Variants in PTAR1 observed in about 807,000 individuals in gnomAD.
PTAR1 encodes protein prenyltransferase alpha subunit repeat containing 1, also known as protein prenyltransferase alpha subunit repeat-containing protein 1.
In PTAR1, 17 loss-of-function variants were observed where a neutral mutation model predicts 45.5. That is an observed-to-expected ratio of 0.37 (90% confidence interval 0.26 to 0.56). PTAR1 has a LOEUF of 0.56. Among genes scored for constraint, PTAR1 ranks in the 20% least tolerant of loss-of-function variants. The pLI is 0.77. For missense variants in PTAR1, 391 were observed against 476.3 expected (o/e 0.82, Z 1.67); for synonymous variants, 169 against 171.3 (o/e 0.99, Z 0.11).
chr9:69,744,533 G>A (rs1177453310), intron 2 of PTAR1, among the ~76,000 whole-genome samples: 2 of 151,914 alleles, frequency 1.3e-5, no homozygotes, highest in African/African-American at 2.4e-5. Flanking sequence ...CTACAGGCGC[G>A]TGCTACCATG....
intron 1 of PTAR1, among the ~76,000 whole-genome samples, chr9:69,754,735 G>C (rs1445559880): frequency 7.3e-6 from 1 of 137,572 alleles, no homozygotes; most frequent in South Asian, 2.3e-4. Context: ...TTTTTTTTTT[G>C]GTAGAGATGT....
At chr9:69,744,940 G>T (rs1010944393) in intron 2 of PTAR1, among the ~76,000 whole-genome samples, 1 of 152,122 alleles carries the variant, frequency 6.6e-6, no homozygotes, top group Admixed American at 6.6e-5. Context: ...CTTCCTTAAA[G>T]CCATACTACC....
rs1824807313 is a variant in PTAR1, at chr9:69,718,170, T to C, written c.*172A>G. 7.5e-6 allele frequency: 4 copies of C among 530,866 alleles called. No homozygotes were observed. The highest frequency in any genetic ancestry group is 1.3e-5 in the Non-Finnish European group (4 of 301,436). The allele number at this position is 530,866 out of a possible 1,614,324, so 32.9% of individuals were successfully genotyped here. A position where few individuals can be genotyped will look rare whatever the true frequency, so the allele number is the denominator to read the frequency against. On this transcript the variant is annotated 3_prime_UTR_variant, in exon 8 of 8. Coordinates refer to ENST00000340434, the MANE Select transcript of PTAR1 (RefSeq NM_001099666.2). ...TACGATTATTTTATCCCCACAGGAA[T>C]GCCAGTTATTAACAAAATAAATAAA...
intron 2 of PTAR1, among the ~76,000 whole-genome samples, chr9:69,744,478 T>C (rs1044728746): frequency 5.9e-5 from 9 of 151,816 alleles, no homozygotes; most frequent in Non-Finnish European, 8.8e-5. Flanking sequence ...CTCTGCCTCC[T>C]AGGCTCAAGC....
At chr9:69,745,511 G>A (rs1025283003) in intron 2 of PTAR1, among the ~76,000 whole-genome samples, 5 of 152,146 alleles carry the variant, frequency 3.3e-5, no homozygotes, top group African/African-American at 1.2e-4. Context: ...CATCCTCCAT[G>A]AGAGACTTCT....
intron 2 of PTAR1, among the ~76,000 whole-genome samples, chr9:69,747,908 C>A (rs892039702): frequency 2.0e-5 from 3 of 152,106 alleles, no homozygotes; most frequent in Non-Finnish European, 4.4e-5. Context: ...CCTTGAATAC[C>A]ATGCTAAGGA....
Position 69,732,214 on chromosome 9 carries a change from C to T in PTAR1, c.567G>A (p.Gly189=), listed in dbSNP as rs755059979. The change falls in exon 5 of 8, where the codon GGG becomes GGA. Residue 189 remains glycine, a synonymous_variant. Coordinates refer to ENST00000340434, the MANE Select transcript of PTAR1 (RefSeq NM_001099666.2). ...EEMEVCGEAA[G]RYPSNYNAWS... ...AAGCATTATAGTTGCTTGGGTATCT[C>T]CCTGCTGCTTCACCACAGACCTCCA... The T allele has an allele frequency of 6.2e-7, 1 of 1,613,842 alleles. No individual in the cohort carries two copies. Among genetic ancestry groups the T allele is most frequent in the East Asian group, 2.2e-5 (1 of 44,856 alleles).
chr9:69,731,153 C>A (rs1009568966), intron 5 of PTAR1, among the ~76,000 whole-genome samples: 2 of 152,072 alleles, frequency 1.3e-5, no homozygotes, highest in African/African-American at 4.8e-5. Context: ...GGCTTAAAAT[C>A]CTCTGGAAGT....
chr9:69,748,878 T>C (rs567712610), intron 2 of PTAR1, among the ~76,000 whole-genome samples: 4 of 152,220 alleles, frequency 2.6e-5, no homozygotes, highest in Admixed American at 1.3e-4. Context: ...TAATACAATA[T>C]ATAACCTGAG....
chr9:69,728,105 C>T (rs373698238), intron 5 of PTAR1, among the ~76,000 whole-genome samples: 2 of 152,138 alleles, frequency 1.3e-5, no homozygotes, highest in East Asian at 1.9e-4. Context: ...GGTTCATCCA[C>T]GTTATAGCAT....
In PTAR1 at chr9:69,750,839, T is replaced by C. The variant is rs374064241; in HGVS notation, c.198A>G (p.Pro66=). 85 of 1,611,672 alleles carry C rather than the reference T, an allele frequency of 5.3e-5. No individual in the cohort carries two copies. The highest frequency in any genetic ancestry group is 1.7e-4 in the Middle Eastern group (1 of 6,054). ...VESWCVKFLL[P]YVHNKLLLYR... is the part of the protein sequence containing the mutation. ...ACAAAAGGAGCTTGTTGTGGACATA[T>C]GGTAAAAGGAACTTGACACACCAGC... Residue 66 remains proline (P), a synonymous_variant, in exon 2 of 8, where the codon CCA becomes CCG. Coordinates refer to ENST00000340434, the MANE Select transcript of PTAR1 (RefSeq NM_001099666.2).
intron 5 of PTAR1, among the ~76,000 whole-genome samples, chr9:69,726,936 T>A (rs1825311753): frequency 6.6e-6 from 1 of 151,566 alleles, no homozygotes; most frequent in Non-Finnish European, 1.5e-5. Context: ...TTTTTTTTTT[T>A]AAAGATTGGG....
intron 2 of PTAR1, among the ~76,000 whole-genome samples, chr9:69,743,760 G>A (rs995936692): frequency 1.3e-5 from 2 of 152,114 alleles, no homozygotes; most frequent in Non-Finnish European, 2.9e-5. Flanking sequence ...AAAGATTAAA[G>A]TAGGCCCTTA....
At position 69,750,967 on chromosome 9, in the gene PTAR1, T is replaced by C. The variant is rs1416506912; in HGVS notation, c.87-17A>G. ...ATTTCATCTCTTAATATGTAAAACA[T>C]AAAAAAGAATTAAAAATAAGGATAC... On this transcript the variant is annotated splice_polypyrimidine_tract_variant and intron_variant, in intron 1 of 7. Coordinates refer to ENST00000340434, the MANE Select transcript of PTAR1 (RefSeq NM_001099666.2). 3 of 1,495,022 alleles carry C rather than the reference T, an allele frequency of 2.0e-6. No individual in the cohort carries two copies. The highest frequency in any genetic ancestry group is 2.4e-5 in the East Asian group (1 of 41,046). The allele number at this position is 1,495,022 out of a possible 1,614,324, so 92.6% of individuals were successfully genotyped here.
chr9:69,758,958 G>T lies in PTAR1; in HGVS notation c.86+895C>A, dbSNP rs1826940753. On this transcript the variant is annotated intron_variant, in intron 1 of 7. Coordinates refer to ENST00000340434, the MANE Select transcript of PTAR1 (RefSeq NM_001099666.2). ...TTTCTTTGAGGAGGAAGAGGTATGG[G>T]AAAGGAGGTACATTGTTGCTTCTTC... Among the ~76,000 whole-genome samples the T allele has an allele frequency of 2.0e-5, 3 of 151,960 alleles. No individual in the cohort carries two copies. In the South Asian group the frequency reaches 6.2e-4, roughly 32 times the overall value.
chr9:69,714,526 ATGT>A lies in PTAR1; in HGVS notation c.*3813_*3815del, dbSNP rs753995928. The A allele has an allele frequency of 2.0e-5, 3 of 152,158 alleles. No individual in the cohort carries two copies. The South Asian group carries it at 6.2e-4, about 32-fold the overall frequency. 9.4% of individuals were successfully genotyped at this position (152,158 alleles called of 1,614,324 possible). ...AAAAATTCCTTTTACACACACATACATGTGTGTGTGGCCCAACAAGAATAAACT... is the reference window on the plus strand; with the variant it reads ...AAAAATTCCTTTTACACACACATACAGTGTGTGGCCCAACAAGAATAAACT... On this transcript the variant is annotated 3_prime_UTR_variant, in exon 8 of 8. Transcript: ENST00000340434.
Position 69,718,230 on chromosome 9 carries a change from C to A in PTAR1, c.*112G>T. ...TTACTATGGACTTTCAACCTAAAGA[C>A]GAAGAACATATGGTTAGCCAATAAT... On this transcript the variant is annotated 3_prime_UTR_variant, in exon 8 of 8. Coordinates refer to ENST00000340434, the MANE Select transcript of PTAR1 (RefSeq NM_001099666.2). 1.5e-6 allele frequency: 1 copy of A among 677,380 alleles called. No homozygotes were observed. Among genetic ancestry groups the A allele is most frequent in the Non-Finnish European group, 2.4e-6 (1 of 420,528 alleles). The allele number at this position is 677,380 out of a possible 1,614,324, so 42.0% of individuals were successfully genotyped here. A position where few individuals can be genotyped will look rare whatever the true frequency, so the allele number is the denominator to read the frequency against.
chr9:69,734,049 G>C, intron 4 of PTAR1, 101 bp downstream of exon 4: 1 of 699,036 alleles, frequency 1.4e-6, no homozygotes, highest in South Asian at 1.8e-5. Flanking sequence ...CAGAATTCAT[G>C]CTCTGGAACC....
At position 69,734,258 on chromosome 9, in the gene PTAR1, TAAAAAAAAAA is replaced by T. The variant is rs398010830; in HGVS notation, c.324-14_324-5del. 49 of 207,688 alleles carry T rather than the reference TAAAAAAAAAA, an allele frequency of 2.4e-4. No homozygotes were observed. The highest frequency in any genetic ancestry group is 1.2e-3 in the South Asian group (13 of 10,978). 12.9% of individuals were successfully genotyped at this position (207,688 alleles called of 1,614,324 possible). A position where few individuals can be genotyped will look rare whatever the true frequency, so the allele number is the denominator to read the frequency against. On this transcript the variant is annotated splice_polypyrimidine_tract_variant and splice_region_variant and intron_variant, in intron 3 of 7. Coordinates refer to ENST00000340434, the MANE Select transcript of PTAR1 (RefSeq NM_001099666.2). Reference sequence around the variant, plus strand: ...GCCAGAGAGGATCAGCTCTTTCCTGTAAAAAAAAAAAAAAAAAAAAAAAAAAATTAAACAT... The same window carrying T: ...GCCAGAGAGGATCAGCTCTTTCCTGTAAAAAAAAAAAAAAAAATTAAACAT...
Sources: allele counts gnomAD v4.1 joint callset (sites outside exome capture counted in the v4.1 genomes callset), GRCh38; gene constraint gnomAD v4.1.1; transcripts MANE v1.5; gene names NCBI Gene and HGNC (gene_info 2026-07-23, HGNC 2026-07-21).